The following AGMO variants were observed in gnomAD, a reference collection of about 807,000 sequenced individuals.
AGMO encodes alkylglycerol monooxygenase, also known as glyceryl-ether monooxygenase.
In AGMO, 75 loss-of-function variants were observed where a neutral mutation model predicts 60.2. The observed-to-expected ratio is 1.25, with a 90% CI of 1.03 to 1.51. AGMO has a LOEUF of 1.51. AGMO is among the 40% of genes most tolerant of loss of function. The probability of loss-of-function intolerance (pLI) is 0.00; values close to 1 mark genes in which losing one functional copy is unlikely to be tolerated. For missense variants in AGMO, 763 were observed against 525.5 expected (o/e 1.45, Z -4.42); for synonymous variants, 261 against 177.1 (o/e 1.47, Z -3.76).
intron 4 of AGMO, among the ~76,000 whole-genome samples, chr7:15,429,874 G>C (rs997729580): frequency 7.9e-5 from 12 of 151,948 alleles, no homozygotes; most frequent in African/African-American, 2.9e-4. Context: ...GATAATACTT[G>C]ATCTAGAGAA....
At chr7:15,257,246 T>C (rs1783124805) in intron 12 of AGMO, among the ~76,000 whole-genome samples, 2 of 152,148 alleles carry the variant, frequency 1.3e-5, no homozygotes, top group African/African-American at 4.8e-5. Flanking sequence ...CTAAGAAAGA[T>C]AACTATATAC....
intron 12 of AGMO, among the ~76,000 whole-genome samples, chr7:15,353,480 T>C (rs1782336720): frequency 6.6e-6 from 1 of 152,094 alleles, no homozygotes. Context: ...TTGGGGGGAA[T>C]CCCTGCCTGT....
chr7:15,375,549 A>G (rs1783417326), intron 10 of AGMO, among the ~76,000 whole-genome samples: 1 of 151,938 alleles, frequency 6.6e-6, no homozygotes, highest in African/African-American at 2.4e-5. Flanking sequence ...GACACCTGCC[A>G]CCGCACCCAG....
intron 2 of AGMO, among the ~76,000 whole-genome samples, chr7:15,559,427 T>G (rs1421845830): frequency 6.6e-6 from 1 of 151,990 alleles, no homozygotes; most frequent in East Asian, 1.9e-4. Flanking sequence ...AGATAAAGCT[T>G]GCTGAAGAGT....
chr7:15,297,728 G>T (rs757923495), intron 12 of AGMO, among the ~76,000 whole-genome samples: 2 of 152,054 alleles, frequency 1.3e-5, no homozygotes. Context: ...AATTATGAAT[G>T]TATTTGCTCT....
chr7:15,551,973 T>G (rs1389779142), intron 2 of AGMO, among the ~76,000 whole-genome samples: 2 of 151,724 alleles, frequency 1.3e-5, no homozygotes, highest in Non-Finnish European at 2.9e-5. Context: ...AAAACAGAGA[T>G]ATAGATCAAT....
chr7:15,476,470 C>T lies in AGMO; in HGVS notation c.410-45362G>A, dbSNP rs374373685. 1.7e-4 allele frequency among the ~76,000 whole-genome samples: 26 copies of T among 151,998 alleles called. No homozygotes were observed. The East Asian group carries it at 3.1e-3, about 18-fold the overall frequency. On this transcript the variant is annotated intron_variant, in intron 3 of 12. Transcript: ENST00000342526. ...AAGTAGGGCAGAACATGGATAAGGG[C>T]GGTGGTTGTTTTATTTTCATCTTTC...
rs892911481 is a variant in AGMO at position 15,385,461 on chromosome 7, G to A, written c.1059C>T (p.Thr353=). 6.3e-7 allele frequency: 1 copy of A among 1,587,476 alleles called. No homozygotes were observed. Among genetic ancestry groups the A allele is most frequent in the African/African-American group, 1.3e-5 (1 of 74,256 alleles). Residue 353 remains threonine (T), a synonymous_variant, in exon 10 of 13, where the codon ACC becomes ACT. Coordinates refer to ENST00000342526, the MANE Select transcript of AGMO (RefSeq NM_001004320.2). ...FALMLAFYEE[T]FADTAALSQV... Reference sequence around the variant, plus strand: ...TATTACTTACAGCTGTATCTGCAAAGGTCTCTTCATAAAATGCCAACATCA... The same window carrying A: ...TATTACTTACAGCTGTATCTGCAAAAGTCTCTTCATAAAATGCCAACATCA...
intron 12 of AGMO, among the ~76,000 whole-genome samples, chr7:15,329,528 A>C (rs78227847): frequency 0.01 from 1,524 of 152,342 alleles, 30 homozygotes; most frequent in African/African-American, 0.036. Context: ...TTTAAAATTA[A>C]AATGACAGAA....
chr7:15,412,009 C>T (rs1275032735), intron 5 of AGMO, among the ~76,000 whole-genome samples: 1 of 152,128 alleles, frequency 6.6e-6, no homozygotes, highest in African/African-American at 2.4e-5. Flanking sequence ...GTCAGATCTT[C>T]TAAGTCTCTG....
chr7:15,425,250 T>C (rs973780732), intron 4 of AGMO, among the ~76,000 whole-genome samples: 2 of 152,128 alleles, frequency 1.3e-5, no homozygotes, highest in Non-Finnish European at 2.9e-5. Flanking sequence ...TCAGTTTTCT[T>C]TATTTCTAGT....
intron 3 of AGMO, among the ~76,000 whole-genome samples, chr7:15,452,238 C>A (rs1228541607): frequency 6.6e-6 from 1 of 151,944 alleles, no homozygotes; most frequent in East Asian, 1.9e-4. Flanking sequence ...AATAGATATA[C>A]TTCATCGAAT....
the AGMO span, among the ~76,000 whole-genome samples, chr7:15,178,591 T>G: frequency 6.6e-6 from 1 of 152,070 alleles, no homozygotes; most frequent in Non-Finnish European, 1.5e-5. Flanking sequence ...CCTCTTTCCA[T>G]CTGAGAAAGA....
chr7:15,478,415 G>T (rs116796515), intron 3 of AGMO, among the ~76,000 whole-genome samples: 1 of 152,154 alleles, frequency 6.6e-6, no homozygotes, highest in African/African-American at 2.4e-5. Flanking sequence ...TTGAAGTACA[G>T]GGGAAATGTT....
the AGMO span, among the ~76,000 whole-genome samples, chr7:15,151,213 AT>A: frequency 6.6e-6 from 1 of 151,850 alleles, no homozygotes; most frequent in African/African-American, 2.4e-5. Context: ...AATCTTCTCT[AT>A]TTTTTCTTTA....
chr7:15,395,715 G>C (rs533971838), intron 5 of AGMO, among the ~76,000 whole-genome samples: 88 of 152,228 alleles, frequency 5.8e-4, no homozygotes, highest in African/African-American at 2.0e-3. Flanking sequence ...GTTTGAAAAA[G>C]TTTGTTAAAA....
intron 5 of AGMO, among the ~76,000 whole-genome samples, chr7:15,414,059 G>A (rs1044236743): frequency 6.6e-5 from 10 of 151,994 alleles, no homozygotes; most frequent in Admixed American, 1.3e-4. Context: ...CCAGGCTGGA[G>A]TGCAGTGGTG....
the AGMO span, among the ~76,000 whole-genome samples, chr7:15,167,791 C>T: frequency 2.0e-5 from 3 of 152,156 alleles, no homozygotes; most frequent in Non-Finnish European, 4.4e-5. Flanking sequence ...AATTCCAAAT[C>T]CTGCACTTTT....
At chr7:15,291,782 A>G (rs1324661822) in intron 12 of AGMO, among the ~76,000 whole-genome samples, 1 of 152,194 alleles carries the variant, frequency 6.6e-6, no homozygotes, top group Non-Finnish European at 1.5e-5. Flanking sequence ...CCAAGAAGCT[A>G]GAGGCCTGTG....
Sources: allele counts gnomAD v4.1 joint callset (sites outside exome capture counted in the v4.1 genomes callset), GRCh38; gene constraint gnomAD v4.1.1; transcripts MANE v1.5; gene names NCBI Gene and HGNC (gene_info 2026-07-23, HGNC 2026-07-21).